The following BZW1 variants were observed in gnomAD, a reference collection of about 807,000 sequenced individuals.
The protein encoded by BZW1 is eIF5-mimic protein 2.
A neutral mutation model predicts 54.1 loss-of-function variants in BZW1; 3 were observed. That is an observed-to-expected ratio of 0.06 (90% confidence interval 0.03 to 0.14). BZW1 has a LOEUF of 0.14. Among genes scored for constraint, BZW1 ranks in the 10% least tolerant of loss-of-function variants. BZW1 has a pLI of 1.00. For missense variants in BZW1, 206 were observed against 491.7 expected (o/e 0.42, Z 5.50); for synonymous variants, 152 against 162.7 (o/e 0.93, Z 0.50).
intron 9 of BZW1, chr2:200,819,183 G>A (rs2038410329): frequency 5.8e-6 from 2 of 344,828 alleles, no homozygotes; most frequent in East Asian, 7.4e-5. Context: ...CTTGAGCTCA[G>A]TTTAAGACGT....
chr2:200,822,092 G>T, intron 11 of BZW1, 55 bp from the exon 12 acceptor site: 1 of 1,488,528 alleles, frequency 6.7e-7, no homozygotes, highest in Non-Finnish European at 9.2e-7. Flanking sequence ...AGTTATAAAT[G>T]GGAACTTTTG....
rs544828504 is a variant in BZW1, at chr2:200,824,100, A to T, written c.*1922A>T. ...AAAAAGTGTGTCATCTTCCAGAACT[A>T]CATTATTATCTTTGATCGTAGTTTG... is the stretch of plus-strand genomic sequence containing the variant. On this transcript the variant is annotated 3_prime_UTR_variant, in exon 12 of 12. Transcript: ENST00000409600. 6.6e-6 allele frequency: 1 copy of T among 152,306 alleles called. No homozygotes were observed. Among genetic ancestry groups the T allele is most frequent in the African/African-American group, 2.4e-5 (1 of 41,582 alleles). 9.4% of individuals were successfully genotyped at this position (152,306 alleles called of 1,614,324 possible). A position where few individuals can be genotyped will look rare whatever the true frequency, so the allele number is the denominator to read the frequency against.
At position 200,827,074 on chromosome 2, in the gene BZW1, A is replaced by G. The variant is rs189030666; in HGVS notation, c.*4896A>G. 2.0e-5 allele frequency: 3 copies of G among 152,282 alleles called. No homozygotes were observed. The East Asian group carries it at 5.8e-4, about 29-fold the overall frequency. 9.4% of individuals were successfully genotyped at this position (152,282 alleles called of 1,614,324 possible). A position where few individuals can be genotyped will look rare whatever the true frequency, so the allele number is the denominator to read the frequency against. ...GATACTCAACAGTCTCTGGCATTTG[A>G]AGAACAAAATATTTTCTCTGTAAAT... On this transcript the variant is annotated 3_prime_UTR_variant, in exon 12 of 12. Transcript: ENST00000409600.
intron 5 of BZW1, 136 bp from the exon 6 acceptor site, chr2:200,816,970 G>A: frequency 9.6e-7 from 1 of 1,037,034 alleles, no homozygotes; most frequent in Non-Finnish European, 1.4e-6. Context: ...AATGAGTATT[G>A]TAACTTAGAT....
Position 200,816,400 on chromosome 2 carries a change from A to G in BZW1, c.402+10A>G, listed in dbSNP as rs369240564. The stretch of plus-strand genomic sequence containing the variant: ...AGATGAAGTAAAAAAGGTATGAGTA[A>G]TAATGTACTTTGTGGAAAAGAAAAA... On this transcript the variant is annotated intron_variant, in intron 5 of 11. Transcript: ENST00000409600. 22 of 1,548,726 alleles carry G rather than the reference A, an allele frequency of 1.4e-5. No homozygotes were observed. Among genetic ancestry groups the G allele is most frequent in the Middle Eastern group, 1.7e-4 (1 of 5,880 alleles).
rs572387500 is a variant in BZW1, at chr2:200,815,771, A to C, written c.336+10A>C. 6.5e-7 allele frequency: 1 copy of C among 1,533,820 alleles called. No homozygotes were observed. On this transcript the variant is annotated intron_variant, in intron 4 of 11. Transcript: ENST00000409600. ...GCAAGCATTTGCTCAGGTAAATGAA[A>C]CTTTACATAATTGTTTTCAGTTGGC...
rs1363172568 is a variant in BZW1, at chr2:200,824,525, A to C, written c.*2347A>C. The C allele has an allele frequency of 6.6e-6, 1 of 151,746 alleles. No individual in the cohort carries two copies. Among genetic ancestry groups the C allele is most frequent in the Non-Finnish European group, 1.5e-5 (1 of 67,896 alleles). 9.4% of individuals were successfully genotyped at this position (151,746 alleles called of 1,614,324 possible). A position where few individuals can be genotyped will look rare whatever the true frequency, so the allele number is the denominator to read the frequency against. On this transcript the variant is annotated 3_prime_UTR_variant, in exon 12 of 12. Coordinates refer to ENST00000409600, the MANE Select transcript of BZW1 (RefSeq NM_001207067.2). Reference sequence around the variant, plus strand: ...ATGTTTATTCCATTCTTATTTAAAAAAAAAAACCTCCATATACCAAAAATG... The same window carrying C: ...ATGTTTATTCCATTCTTATTTAAAACAAAAAACCTCCATATACCAAAAATG...
chr2:200,820,425 A>AC (rs2038466675), intron 10 of BZW1, among the ~76,000 whole-genome samples: 1 of 152,124 alleles, frequency 6.6e-6, no homozygotes, highest in Non-Finnish European at 1.5e-5. Context: ...CATACTTGTG[A>AC]CCCCAACACT....
intron 2 of BZW1, 58 bp downstream of exon 2, chr2:200,813,339 G>A: frequency 2.0e-6 from 3 of 1,471,566 alleles, no homozygotes; most frequent in South Asian, 1.2e-5. Context: ...TGTGTATCTT[G>A]CCTTCTCTGA....
Position 200,822,193 on chromosome 2 carries a change from C to G in BZW1, c.*15C>G, listed in dbSNP as rs1344234601. 6.3e-7 allele frequency: 1 copy of G among 1,590,240 alleles called. No individual in the cohort carries two copies. Among genetic ancestry groups the G allele is most frequent in the Admixed American group, 1.7e-5 (1 of 57,846 alleles). On this transcript the variant is annotated 3_prime_UTR_variant, in exon 12 of 12. Coordinates refer to ENST00000409600, the MANE Select transcript of BZW1 (RefSeq NM_001207067.2). ...AAGGTGACTGAATTTTGAAACTACA[C>G]CCTCAGTAAAGCAAACAGGAGTTGT...
chr2:200,812,457 TC>T, intron 1 of BZW1: 6 of 1,340,996 alleles, frequency 4.5e-6, no homozygotes, highest in Non-Finnish European at 5.8e-6. Context: ...GTGACTGTGG[TC>T]CGCTCGTTGC....
At chr2:200,816,739 C>T (rs940359559) in intron 5 of BZW1, among the ~76,000 whole-genome samples, 2 of 152,294 alleles carry the variant, frequency 1.3e-5, no homozygotes, top group African/African-American at 2.4e-5. Flanking sequence ...GATCTGCCCT[C>T]GGCCTCCCAA....
rs1293937112 is a variant in BZW1, at chr2:200,812,911, G to A, written c.-10-297G>A. The A allele has an allele frequency of 4.5e-6, 3 of 660,802 alleles. No individual in the cohort carries two copies. In the Admixed American group the frequency reaches 6.2e-5, roughly 14 times the overall value. 40.9% of individuals were successfully genotyped at this position (660,802 alleles called of 1,614,324 possible). A position where few individuals can be genotyped will look rare whatever the true frequency, so the allele number is the denominator to read the frequency against. Reference sequence around the variant, plus strand: ...GTAAGTGAATGTAAAGAGGAATGTGGAGAAAACTGAACAATTAGGTTTATG... The same window carrying A: ...GTAAGTGAATGTAAAGAGGAATGTGAAGAAAACTGAACAATTAGGTTTATG... On this transcript the variant is annotated intron_variant, in intron 1 of 11. Transcript: ENST00000409600.
At chr2:200,812,496 C>T in intron 1 of BZW1, 2 of 1,374,252 alleles carry the variant, frequency 1.5e-6, no homozygotes, top group African/African-American at 2.9e-5. Context: ...GCGACAGGGT[C>T]AGTGGAGAAA....
In BZW1 at chr2:200,824,292, T is replaced by G. The variant is rs1470186001; in HGVS notation, c.*2114T>G. On this transcript the variant is annotated 3_prime_UTR_variant, in exon 12 of 12. Coordinates refer to ENST00000409600, the MANE Select transcript of BZW1 (RefSeq NM_001207067.2). ...GAATCTTAAGTGGTAATTTTAGAAT[T>G]CAGGTGCCAGTGCCAGCCTATGGCC... is the stretch of plus-strand genomic sequence containing the variant. The G allele has an allele frequency of 6.6e-6, 1 of 152,164 alleles. No homozygotes were observed. The allele number at this position is 152,164 out of a possible 1,614,324, so 9.4% of individuals were successfully genotyped here.
At position 200,821,635 on chromosome 2, in the gene BZW1, A is replaced by C. The variant is rs116166605; in HGVS notation, c.1228+330A>C. Among the ~76,000 whole-genome samples the C allele has an allele frequency of 3.1e-3, 470 of 152,162 alleles. 4 individuals carry two copies. The highest frequency in any genetic ancestry group is 0.011 in the African/African-American group (460 of 41,512). ...GCTGGTCTTGAACTCCTGGGCTCAA[A>C]CAACCTTCCTGCCTCAGCCTCACAA... On this transcript the variant is annotated intron_variant, in intron 11 of 11. Coordinates refer to ENST00000409600, the MANE Select transcript of BZW1 (RefSeq NM_001207067.2).
chr2:200,820,982 A>G (rs1462353223), intron 10 of BZW1, among the ~76,000 whole-genome samples: 1 of 152,192 alleles, frequency 6.6e-6, no homozygotes, highest in Non-Finnish European at 1.5e-5. Context: ...AACACTTTGA[A>G]ATTCTGCACT....
intron 6 of BZW1, 63 bp downstream of exon 6, chr2:200,817,304 A>C (rs2038331025): frequency 6.4e-7 from 1 of 1,568,880 alleles, no homozygotes; most frequent in South Asian, 1.1e-5. Context: ...AGCATGGTTT[A>C]CTGTTCATAG....
rs1196592774 is a variant in BZW1, at chr2:200,824,575, A to G, written c.*2397A>G. ...GCTACAGGATATTTTGAAATAGCAT[A>G]TTTTAGTTAGGGGAAATGCATGTGA... On this transcript the variant is annotated 3_prime_UTR_variant, in exon 12 of 12. Coordinates refer to ENST00000409600, the MANE Select transcript of BZW1 (RefSeq NM_001207067.2). The G allele has an allele frequency of 6.6e-6, 1 of 151,156 alleles. No individual in the cohort carries two copies. Among genetic ancestry groups the G allele is most frequent in the African/African-American group, 2.4e-5 (1 of 41,190 alleles). 9.4% of individuals were successfully genotyped at this position (151,156 alleles called of 1,614,324 possible). A position where few individuals can be genotyped will look rare whatever the true frequency, so the allele number is the denominator to read the frequency against.
Sources: gnomAD v4.1 joint callset for allele counts (sites outside exome capture counted in the v4.1 genomes callset) on GRCh38, gnomAD v4.1.1 for gene constraint, MANE v1.5 for transcripts, NCBI Gene and HGNC (gene_info 2026-07-23, HGNC 2026-07-21) for gene names.